The following RFX3 variants were observed in gnomAD, a reference collection of about 807,000 sequenced individuals.
RFX3 encodes the protein transcription factor RFX3.
In RFX3, 14 loss-of-function variants were observed where a neutral mutation model predicts 98.6. The observed-to-expected ratio is 0.14, with a 90% CI of 0.09 to 0.22. RFX3 has a LOEUF of 0.22. Ranked by LOEUF, RFX3 falls within the 10% of genes least tolerant of loss-of-function variation. The pLI is 1.00. For missense variants in RFX3, 639 were observed against 926.9 expected (o/e 0.69, Z 4.03); for synonymous variants, 383 against 328.4 (o/e 1.17, Z -1.80).
chr9:3,240,431 A>C (rs1819757906), intron 15 of RFX3, among the ~76,000 whole-genome samples: 1 of 152,186 alleles, frequency 6.6e-6, no homozygotes, highest in African/African-American at 2.4e-5. Flanking sequence ...GCATTAATTT[A>C]TTCTATCAGA....
intron 15 of RFX3, among the ~76,000 whole-genome samples, chr9:3,233,388 G>A (rs934038092): frequency 1.3e-4 from 20 of 152,184 alleles, no homozygotes; most frequent in African/African-American, 2.4e-5. Context: ...CAGCCCACAG[G>A]TGCATTAAAG....
At position 3,224,052 on chromosome 9, in the gene RFX3, T is replaced by A. The variant is rs1377491543; in HGVS notation, c.*990A>T. ...TACATTCCTTGCATTCTATAAATTCTCGTTTATAATAGCAGCATATTGAAC... is the reference window on the plus strand; with the variant it reads ...TACATTCCTTGCATTCTATAAATTCACGTTTATAATAGCAGCATATTGAAC... On this transcript the variant is annotated 3_prime_UTR_variant, in exon 17 of 17. Coordinates refer to ENST00000617270, the MANE Select transcript of RFX3 (RefSeq NM_001282116.2). The A allele has an allele frequency of 1.3e-5, 2 of 152,200 alleles. No individual in the cohort carries two copies. Among genetic ancestry groups the A allele is most frequent in the Non-Finnish European group, 2.9e-5 (2 of 68,038 alleles). The allele number at this position is 152,200 out of a possible 1,614,324, so 9.4% of individuals were successfully genotyped here. A position where few individuals can be genotyped will look rare whatever the true frequency, so the allele number is the denominator to read the frequency against.
At chr9:3,242,074 G>A (rs1012769218) in intron 15 of RFX3, among the ~76,000 whole-genome samples, 1 of 152,134 alleles carries the variant, frequency 6.6e-6, no homozygotes, top group African/African-American at 2.4e-5. Context: ...AAAACTGAAA[G>A]ATAGATTAAG....
chr9:3,439,535 T>C (rs1845449868), intron 1 of RFX3, among the ~76,000 whole-genome samples: 1 of 151,960 alleles, frequency 6.6e-6, no homozygotes, highest in African/African-American at 2.4e-5. Context: ...GCCAATAAGT[T>C]TGAGAATTTA....
intron 7 of RFX3, among the ~76,000 whole-genome samples, chr9:3,281,070 T>C (rs1825861020): frequency 6.6e-6 from 1 of 151,774 alleles, no homozygotes; most frequent in African/African-American, 2.4e-5. Context: ...TTAACAAATA[T>C]TTATTGAGCA....
At position 3,293,108 on chromosome 9, in the gene RFX3, T is replaced by G. The variant is rs1221820878; in HGVS notation, c.700A>C (p.Met234Leu). 6.2e-7 allele frequency: 1 copy of G among 1,613,284 alleles called. No individual in the cohort carries two copies. The highest frequency in any genetic ancestry group is 8.5e-7 in the Non-Finnish European group (1 of 1,179,568). ...SFGKLIRSIFMGLRTRRLGTR... is the reference protein window; with the variant it reads ...SFGKLIRSIFLGLRTRRLGTR... ...CCCAATCTCCTGGTTCGTAGCCCCA[T>G]AAAAATTGATCTTATTAATTTTCCA... is the stretch of plus-strand genomic sequence containing the variant. The change falls in exon 6 of 17, where the codon ATG becomes CTG. Residue 234 changes from methionine (M) to leucine (L), a missense_variant. Coordinates refer to ENST00000617270, the MANE Select transcript of RFX3 (RefSeq NM_001282116.2).
intron 2 of RFX3, among the ~76,000 whole-genome samples, chr9:3,392,607 G>A (rs1270471763): frequency 6.6e-6 from 1 of 151,996 alleles, no homozygotes; most frequent in African/African-American, 2.4e-5. Flanking sequence ...AAGCATGAAT[G>A]TCCAGACTGA....
intron 1 of RFX3, among the ~76,000 whole-genome samples, chr9:3,459,487 GC>G (rs145474999): frequency 6.6e-6 from 1 of 152,172 alleles, no homozygotes; most frequent in Non-Finnish European, 1.5e-5. Context: ...CAGTTACTGG[GC>G]ACTCCTCTAT....
intron 1 of RFX3, among the ~76,000 whole-genome samples, chr9:3,475,514 C>G (rs1291044735): frequency 6.6e-6 from 1 of 152,070 alleles, no homozygotes; most frequent in African/African-American, 2.4e-5. Flanking sequence ...CCAAGGCAGA[C>G]AGAGAGAGAG....
At chr9:3,336,346 T>C (rs982712179) in intron 3 of RFX3, among the ~76,000 whole-genome samples, 1 of 151,698 alleles carries the variant, frequency 6.6e-6, no homozygotes, top group African/African-American at 2.4e-5. Flanking sequence ...AAGGAGAAAG[T>C]GGGCAAAAAT....
intron 4 of RFX3, 23 bp downstream of exon 4, chr9:3,330,236 C>A (rs767790789): frequency 1.9e-5 from 31 of 1,612,720 alleles, no homozygotes; most frequent in Admixed American, 1.0e-4. Context: ...CTAAACTAAA[C>A]TACTAAAAAT....
At chr9:3,341,512 G>A (rs1833888987) in intron 3 of RFX3, among the ~76,000 whole-genome samples, 1 of 152,132 alleles carries the variant, frequency 6.6e-6, no homozygotes, top group African/African-American at 2.4e-5. Flanking sequence ...GGAAGGGGCT[G>A]AAAAGCATGT....
At chr9:3,392,771 T>A (rs555673261) in intron 2 of RFX3, among the ~76,000 whole-genome samples, 1 of 152,032 alleles carries the variant, frequency 6.6e-6, no homozygotes. Context: ...AGAAATCAGA[T>A]TGGTGTTTGG....
chr9:3,361,971 A>G (rs1023553146), intron 2 of RFX3, among the ~76,000 whole-genome samples: 1 of 152,162 alleles, frequency 6.6e-6, no homozygotes, highest in South Asian at 2.1e-4. Context: ...ATAAAATAAA[A>G]TAAGTCACAG....
chr9:3,356,447 C>T (rs944781773), intron 2 of RFX3, among the ~76,000 whole-genome samples: 1 of 151,526 alleles, frequency 6.6e-6, no homozygotes, highest in African/African-American at 2.4e-5. Flanking sequence ...CAAAACTGGC[C>T]CCAAAACACC....
At position 3,427,598 on chromosome 9, in the gene RFX3, A is replaced by C. The variant is rs117447245; in HGVS notation, c.-8-32002T>G. On this transcript the variant is annotated intron_variant, in intron 1 of 16. Transcript: ENST00000617270. The stretch of plus-strand genomic sequence containing the variant: ...ATCTTTGTTCTCAGGCAGTATAATT[A>C]CTGTCTAAACACCCTGAATTTGTTT... Among the ~76,000 whole-genome samples, 1,374 of 151,620 alleles carry C rather than the reference A, an allele frequency of 9.1e-3. 10 individuals are homozygous for C. Among genetic ancestry groups the C allele is most frequent in the Non-Finnish European group, 0.015 (986 of 67,912 alleles).
intron 13 of RFX3, among the ~76,000 whole-genome samples, chr9:3,262,648 CCTGT>C (rs200315321): frequency 1.3e-5 from 2 of 152,260 alleles, no homozygotes; most frequent in East Asian, 1.9e-4. Context: ...TAATTTCTTG[CCTGT>C]CTAACTTCAA....
At chr9:3,493,002 A>G (rs956289524) in intron 1 of RFX3, among the ~76,000 whole-genome samples, 1 of 152,156 alleles carries the variant, frequency 6.6e-6, no homozygotes, top group Admixed American at 6.5e-5. Flanking sequence ...AATCTTCATT[A>G]TAACTCATCA....
intron 1 of RFX3, among the ~76,000 whole-genome samples, chr9:3,430,751 C>A (rs1844584274): frequency 6.7e-6 from 1 of 149,556 alleles, no homozygotes; most frequent in African/African-American, 2.5e-5. Flanking sequence ...CATTTTTTTC[C>A]AAAAAATATA....
Sources: gnomAD v4.1 joint callset for allele counts (sites outside exome capture counted in the v4.1 genomes callset) on GRCh38, gnomAD v4.1.1 for gene constraint, MANE v1.5 for transcripts, NCBI Gene and HGNC (gene_info 2026-07-23, HGNC 2026-07-21) for gene names.